LUZP2: variants seen among roughly 807,000 people sequenced by gnomAD.
LUZP2 encodes leucine zipper protein 2.
LUZP2 carries 52 observed loss-of-function variants against 51.6 expected under a neutral mutation model. The observed-to-expected ratio is 1.01, with a 90% CI of 0.81 to 1.27. The LOEUF (loss-of-function observed/expected upper bound fraction) is 1.27, where lower values mean the gene tolerates loss of function less well. Ranked by LOEUF, LUZP2 falls within the 50% of genes most tolerant of loss-of-function variation. The pLI is 0.00. For missense variants in LUZP2, 436 were observed against 395.4 expected (o/e 1.10, Z -0.87); for synonymous variants, 154 against 137.3 (o/e 1.12, Z -0.85).
chr11:24,605,947 C>T (rs1853902359), intron 1 of LUZP2, among the ~76,000 whole-genome samples: 1 of 151,752 alleles, frequency 6.6e-6, no homozygotes, highest in East Asian at 1.9e-4. Flanking sequence ...TAATTGAGGT[C>T]ATGCTGTATT....
chr11:24,847,360 GT>G (rs1163988939), intron 5 of LUZP2, among the ~76,000 whole-genome samples: 1 of 152,032 alleles, frequency 6.6e-6, no homozygotes, highest in Non-Finnish European at 1.5e-5. Context: ...TGATTCCTCA[GT>G]TTTTTCAATC....
chr11:24,883,505 C>CT (rs1375349786), intron 5 of LUZP2, among the ~76,000 whole-genome samples: 1 of 151,942 alleles, frequency 6.6e-6, no homozygotes. Context: ...AATAAATCAT[C>CT]TTTCTTTGAA....
chr11:25,024,543 T>C (rs1174804804), intron 9 of LUZP2, among the ~76,000 whole-genome samples: 2 of 152,090 alleles, frequency 1.3e-5, no homozygotes, highest in African/African-American at 4.8e-5. Context: ...AATTCCCATT[T>C]ACAATTGCTT....
intron 7 of LUZP2, among the ~76,000 whole-genome samples, chr11:24,960,713 A>AT (rs1565161229): frequency 6.6e-6 from 1 of 152,046 alleles, no homozygotes; most frequent in South Asian, 2.1e-4. Flanking sequence ...GGATTCATTA[A>AT]TTTTTTGAAG....
intron 5 of LUZP2, among the ~76,000 whole-genome samples, chr11:24,833,708 G>GCACACACACA (rs748110770): frequency 2.0e-4 from 26 of 130,546 alleles, no homozygotes; most frequent in African/African-American, 7.6e-4. Flanking sequence ...GCCACCGCGC[G>GCACACACACA]CGCGCACACA....
At chr11:25,003,126 C>G (rs1054432616) in intron 9 of LUZP2, among the ~76,000 whole-genome samples, 6 of 152,156 alleles carry the variant, frequency 3.9e-5, no homozygotes, top group African/African-American at 1.4e-4. Context: ...ACTTGATTAG[C>G]TAGAAAGTTC....
At chr11:24,563,930 A>T (rs1226257643) in intron 1 of LUZP2, among the ~76,000 whole-genome samples, 2 of 152,154 alleles carry the variant, frequency 1.3e-5, no homozygotes, top group Non-Finnish European at 2.9e-5. Flanking sequence ...AATATATCTT[A>T]GTCTCAAGTC....
At chr11:25,063,968 C>G (rs963238775) in intron 10 of LUZP2, among the ~76,000 whole-genome samples, 1 of 151,680 alleles carries the variant, frequency 6.6e-6, no homozygotes, top group Non-Finnish European at 1.5e-5. Flanking sequence ...GCAGATCCTG[C>G]ACTTCTCACT....
chr11:24,751,661 C>A, intron 4 of LUZP2: 1 of 669,884 alleles, frequency 1.5e-6, no homozygotes, highest in Non-Finnish European at 1.8e-6. Flanking sequence ...CAGCAGCCAT[C>A]ATTGGCCCTT....
chr11:24,604,762 C>T (rs1439823853), intron 1 of LUZP2, among the ~76,000 whole-genome samples: 1 of 151,802 alleles, frequency 6.6e-6, no homozygotes, highest in Non-Finnish European at 1.5e-5. Flanking sequence ...GATTATCAGT[C>T]ATGAGAATCT....
intron 10 of LUZP2, 107 bp downstream of exon 10, chr11:25,050,237 C>G (rs1858452006): frequency 3.3e-6 from 1 of 306,956 alleles, no homozygotes; most frequent in African/African-American, 2.3e-5. Context: ...TATGTAATAT[C>G]TACTATCTAA....
chr11:24,664,736 T>C (rs1406490387), intron 1 of LUZP2, among the ~76,000 whole-genome samples: 2 of 152,138 alleles, frequency 1.3e-5, no homozygotes, highest in African/African-American at 2.4e-5. Flanking sequence ...TTGGCACTTA[T>C]ATGTGGTGTT....
chr11:24,868,059 A>G (rs1851949176), intron 5 of LUZP2, among the ~76,000 whole-genome samples: 1 of 152,166 alleles, frequency 6.6e-6, no homozygotes, highest in Non-Finnish European at 1.5e-5. Flanking sequence ...CATCTCTTGA[A>G]CAAAGCATTT....
chr11:24,779,112 T>TA (rs1198390911), intron 5 of LUZP2, among the ~76,000 whole-genome samples: 1 of 152,186 alleles, frequency 6.6e-6, no homozygotes, highest in African/African-American at 2.4e-5. Flanking sequence ...TAACCAAGAT[T>TA]ATTTAAGAAA....
chr11:24,534,170 A>T (rs894721517), intron 1 of LUZP2, among the ~76,000 whole-genome samples: 2 of 151,388 alleles, frequency 1.3e-5, no homozygotes, highest in South Asian at 2.1e-4. Context: ...TGTTTCATCA[A>T]GTTGATGTTT....
At position 24,631,899 on chromosome 11, in the gene LUZP2, A is replaced by G. The variant is rs75692388; in HGVS notation, c.63-97270A>G. ...TCTGTTCAGGTTTTGGAGAATGCAAATTAATACAGGAAAGAGGGCATATGA... is the reference window on the plus strand; with the variant it reads ...TCTGTTCAGGTTTTGGAGAATGCAAGTTAATACAGGAAAGAGGGCATATGA... On this transcript the variant is annotated intron_variant, in intron 1 of 11. Transcript: ENST00000336930. Among the ~76,000 whole-genome samples, 38 of 152,082 alleles carry G rather than the reference A, an allele frequency of 2.5e-4. No homozygotes were observed. In the East Asian group the frequency reaches 6.6e-3, roughly 26 times the overall value.
chr11:24,841,000 T>C (rs1277564157), intron 5 of LUZP2, among the ~76,000 whole-genome samples: 1 of 152,040 alleles, frequency 6.6e-6, no homozygotes, highest in Non-Finnish European at 1.5e-5. Context: ...TCATTGAATT[T>C]AATATGCTAT....
chr11:24,959,084 T>C (rs184658349), intron 7 of LUZP2, among the ~76,000 whole-genome samples: 1,641 of 152,282 alleles, frequency 0.011, 34 homozygotes, highest in African/African-American at 0.037. Context: ...GCATTATTTC[T>C]GAGGGCTCTG....
chr11:24,603,927 A>G (rs1449881961), intron 1 of LUZP2, among the ~76,000 whole-genome samples: 1 of 151,766 alleles, frequency 6.6e-6, no homozygotes, highest in African/African-American at 2.4e-5. Flanking sequence ...CCACATTACT[A>G]TATTATATAA....
Sources: allele counts gnomAD v4.1 joint callset (sites outside exome capture counted in the v4.1 genomes callset), GRCh38; gene constraint gnomAD v4.1.1; transcripts MANE v1.5; gene names NCBI Gene and HGNC (gene_info 2026-07-23, HGNC 2026-07-21).